Variants in SPECC1L observed in about 807,000 individuals in gnomAD.
The protein encoded by SPECC1L is cytospin-A.
SPECC1L carries 40 observed loss-of-function variants against 116.8 expected under a neutral mutation model. The observed-to-expected ratio is 0.34, with a 90% confidence interval of 0.27 to 0.45. The LOEUF is 0.45. Ranked by LOEUF, SPECC1L falls within the 20% of genes least tolerant of loss-of-function variation. The pLI is 1.00. For synonymous variants in SPECC1L, 504 were observed against 500.6 expected (o/e 1.01, Z -0.09); for missense variants, 1,110 against 1,373.6 (o/e 0.81, Z 3.03).
chr22:24,313,169 T>C (rs2040494351), intron 3 of SPECC1L, 144 bp from the exon 4 acceptor site: 1 of 749,238 alleles, frequency 1.3e-6, no homozygotes, highest in Non-Finnish European at 2.3e-6. Context: ...TGTAGGACAG[T>C]ATGGTGTGCT....
intron 12 of SPECC1L, 21 bp downstream of exon 12, chr22:24,363,365 T>A (rs749331396): frequency 1.9e-6 from 3 of 1,599,916 alleles, no homozygotes; most frequent in Non-Finnish European, 2.6e-6. Context: ...TCATCTGAAT[T>A]TTTGTTGTAT....
chr22:24,274,922 C>T (rs2048803437), intron 1 of SPECC1L, among the ~76,000 whole-genome samples: 1 of 152,314 alleles, frequency 6.6e-6, no homozygotes, highest in Non-Finnish European at 1.5e-5. Flanking sequence ...CTCCTTGTCT[C>T]CCTCTGCTGG....
chr22:24,390,862 T>TTTTTTCTTTTTC (rs2042251127), intron 14 of SPECC1L, among the ~76,000 whole-genome samples: 1 of 109,742 alleles, frequency 9.1e-6, no homozygotes, highest in Non-Finnish European at 1.9e-5. Context: ...CTTTTTTTTT[T>TTTTTTCTTTTTC]TTTTCTTTTC....
chr22:24,288,558 T>G (rs2049091328), intron 2 of SPECC1L, among the ~76,000 whole-genome samples: 1 of 151,764 alleles, frequency 6.6e-6, no homozygotes, highest in Non-Finnish European at 1.5e-5. Flanking sequence ...ACACTGAATT[T>G]GAATTCTATT....
chr22:24,395,802 C>T (rs2042356592), intron 14 of SPECC1L, among the ~76,000 whole-genome samples: 1 of 152,128 alleles, frequency 6.6e-6, no homozygotes, highest in Non-Finnish European at 1.5e-5. Context: ...CCACGTCTGG[C>T]TAATTTTTTT....
chr22:24,358,115 G>GTTT (rs531551339), intron 11 of SPECC1L, among the ~76,000 whole-genome samples: 4 of 128,776 alleles, frequency 3.1e-5, no homozygotes, highest in Non-Finnish European at 6.7e-5. Context: ...GTTTTTTTTG[G>GTTT]TTTTTTTTTT....
At chr22:24,389,109 ATTTTTT>A (rs763818960) in intron 14 of SPECC1L, among the ~76,000 whole-genome samples, 3 of 99,954 alleles carry the variant, frequency 3.0e-5, no homozygotes, top group African/African-American at 4.1e-5. Context: ...TCTATAACTG[ATTTTTT>A]TTTTTTTTTT....
At chr22:24,345,886 A>G (rs1027773877) in intron 10 of SPECC1L, among the ~76,000 whole-genome samples, 1 of 152,188 alleles carries the variant, frequency 6.6e-6, no homozygotes, top group Admixed American at 6.5e-5. Flanking sequence ...CAAGAAAAAC[A>G]TAGACAAGCA....
chr22:24,376,703 CAGGCCTGAAAAGTCTCA>C (rs2041977742), intron 14 of SPECC1L, among the ~76,000 whole-genome samples: 1 of 152,164 alleles, frequency 6.6e-6, no homozygotes, highest in South Asian at 2.1e-4. Context: ...CTTCCACACT[CAGGCCTGAAAAGTCTCA>C]AGTTTTGTTG....
At chr22:24,307,984 A>G (rs2049535436) in intron 3 of SPECC1L, among the ~76,000 whole-genome samples, 1 of 152,110 alleles carries the variant, frequency 6.6e-6, no homozygotes, top group African/African-American at 2.4e-5. Context: ...GAATTCCAGT[A>G]TACTCTATCA....
intron 4 of SPECC1L, 79 bp from the exon 5 acceptor site, chr22:24,321,209 C>T: frequency 8.0e-7 from 1 of 1,242,872 alleles, no homozygotes; most frequent in East Asian, 2.9e-5. Context: ...CTCATTACAC[C>T]TGGGGCAGGA....
chr22:24,272,603 G>A (rs1305475852), intron 1 of SPECC1L, among the ~76,000 whole-genome samples: 3 of 151,740 alleles, frequency 2.0e-5, no homozygotes, highest in African/African-American at 7.3e-5. Context: ...GGAGGCAGAG[G>A]GTGCAGTGAA....
chr22:24,327,302 A>G lies in SPECC1L; in HGVS notation c.2147-1544A>G, dbSNP rs1386288766. ...CAAAAAAAAAAAAAAAAAAAAAAAA[A>G]CATCAGAACACACATATACCAACAT... On this transcript the variant is annotated intron_variant, in intron 6 of 16. Coordinates refer to ENST00000314328, the MANE Select transcript of SPECC1L (RefSeq NM_015330.6). 4.1e-5 allele frequency among the ~76,000 whole-genome samples: 6 copies of G among 146,064 alleles called. No homozygotes were observed. The East Asian group carries it at 1.2e-3, about 29-fold the overall frequency.
intron 2 of SPECC1L, among the ~76,000 whole-genome samples, chr22:24,288,616 T>A (rs9624448): frequency 2.3e-3 from 105 of 45,104 alleles, no homozygotes; most frequent in South Asian, 4.2e-3. Flanking sequence ...AATTTTAAGC[T>A]TTTTTTTTTT....
chr22:24,340,816 T>C (rs943945876), intron 10 of SPECC1L, among the ~76,000 whole-genome samples: 8 of 152,162 alleles, frequency 5.3e-5, no homozygotes, highest in African/African-American at 1.7e-4. Flanking sequence ...CTCTGGGGAC[T>C]GGGGCCTAAG....
intron 1 of SPECC1L, among the ~76,000 whole-genome samples, chr22:24,271,705 C>T (rs1332172641): frequency 6.6e-6 from 1 of 152,328 alleles, no homozygotes; most frequent in East Asian, 1.9e-4. Context: ...GTAGTTTTAG[C>T]CCATTTACAG....
chr22:24,288,385 G>A (rs1268065041), intron 2 of SPECC1L, among the ~76,000 whole-genome samples: 1 of 151,998 alleles, frequency 6.6e-6, no homozygotes, highest in Non-Finnish European at 1.5e-5. Flanking sequence ...TACAGGAAGT[G>A]CCAAATATCC....
At chr22:24,287,525 T>A (rs1057375094) in intron 2 of SPECC1L, among the ~76,000 whole-genome samples, 31 of 152,320 alleles carry the variant, frequency 2.0e-4, no homozygotes, top group African/African-American at 7.0e-4. Flanking sequence ...CAGGAACTTC[T>A]TCCAGTCGCC....
At chr22:24,362,983 A>G (rs2041674668) in intron 11 of SPECC1L, among the ~76,000 whole-genome samples, 1 of 152,170 alleles carries the variant, frequency 6.6e-6, no homozygotes, top group South Asian at 2.1e-4. Context: ...GTGGAATTGC[A>G]TCAAACAGGT....
Sources: allele counts gnomAD v4.1 joint callset (sites outside exome capture counted in the v4.1 genomes callset), GRCh38; gene constraint gnomAD v4.1.1; transcripts MANE v1.5; gene names NCBI Gene and HGNC (gene_info 2026-07-23, HGNC 2026-07-21).